USP33: variants seen among roughly 807,000 people sequenced by gnomAD.
USP33 encodes the protein ubiquitin carboxyl-terminal hydrolase 33.
Under a neutral mutation model 124.2 loss-of-function variants are expected in USP33, and 46 were observed. That is an observed-to-expected ratio of 0.37 (90% CI 0.29 to 0.47). The LOEUF is 0.47. Among genes scored for constraint, USP33 ranks in the 20% least tolerant of loss-of-function variants. The pLI, the probability that USP33 is intolerant of heterozygous loss-of-function variation, is 0.99. For missense variants in USP33, 851 were observed against 1,070.6 expected, an observed-to-expected ratio of 0.79 and a Z score of 2.86; for synonymous variants, 350 against 352.3, an observed-to-expected ratio of 0.99 and a Z score of 0.07.
At chr1:77,728,835 A>C in intron 9 of USP33, 123 bp from the exon 10 acceptor site, 2 of 1,055,488 alleles carry the variant, frequency 1.9e-6, no homozygotes, top group South Asian at 3.3e-5. Context: ...TTGAGCAAAT[A>C]CCAGTTTGGA....
chr1:77,697,265 T>C lies in USP33; in HGVS notation c.*52A>G. On this transcript the variant is annotated 3_prime_UTR_variant, in exon 24 of 24. Coordinates refer to ENST00000370794, the MANE Select transcript of USP33 (RefSeq NM_201624.3). ...TTAGGAATGTTTTCGCATGTGTACATGTCAGGGCACATGAAAATGATTCCT... is the reference window on the plus strand; with the variant it reads ...TTAGGAATGTTTTCGCATGTGTACACGTCAGGGCACATGAAAATGATTCCT... The C allele has an allele frequency of 2.7e-6, 4 of 1,502,106 alleles. No homozygotes were observed. In the South Asian group the frequency reaches 3.9e-5, roughly 15 times the overall value. 93.0% of individuals were successfully genotyped at this position (1,502,106 alleles called of 1,614,324 possible).
intron 10 of USP33, among the ~76,000 whole-genome samples, chr1:77,728,068 C>T (rs1442462391): frequency 1.3e-5 from 2 of 152,176 alleles, no homozygotes; most frequent in African/African-American, 2.4e-5. Flanking sequence ...ACACAAAAGA[C>T]ATCTGATGAA....
In USP33 at chr1:77,728,855, G is replaced by A. The variant is rs904975629; in HGVS notation, c.718-143C>T. On this transcript the variant is annotated intron_variant, in intron 9 of 23. Transcript: ENST00000370794. ...CAAATACCAGTTTGGAGAGCATAAGGCACTAGATAAATGAGATGCATTAAC... is the reference window on the plus strand; with the variant it reads ...CAAATACCAGTTTGGAGAGCATAAGACACTAGATAAATGAGATGCATTAAC... 12 of 890,722 alleles carry A rather than the reference G, an allele frequency of 1.3e-5. No homozygotes were observed. The African/African-American group carries it at 1.9e-4, about 14-fold the overall frequency. 55.2% of individuals were successfully genotyped at this position (890,722 alleles called of 1,614,324 possible). A position where few individuals can be genotyped will look rare whatever the true frequency, so the allele number is the denominator to read the frequency against.
In USP33 at chr1:77,728,698, G is replaced by A; in HGVS notation, c.732C>T (p.Phe244=). The A allele has an allele frequency of 6.2e-7, 1 of 1,612,144 alleles. No individual in the cohort carries two copies. The highest frequency in any genetic ancestry group is 1.1e-5 in the South Asian group (1 of 90,778). ...RGYSQQDAQE[F]LRCLMDLLHE... Reference sequence around the variant, plus strand: ...GAAGCAAATCCATTAAACATCGAAGGAATTCTTGAGCATCCTAATATATCA... The same window carrying A: ...GAAGCAAATCCATTAAACATCGAAGAAATTCTTGAGCATCCTAATATATCA... The change falls in exon 10 of 24, where the codon TTC becomes TTT. Residue 244 remains phenylalanine (F), a synonymous_variant. Transcript: ENST00000370794.
chr1:77,741,601 A>T lies in USP33; in HGVS notation c.81+16T>A. On this transcript the variant is annotated intron_variant, in intron 2 of 23. Coordinates refer to ENST00000370794, the MANE Select transcript of USP33 (RefSeq NM_201624.3). ...AAGTGAATAGTTTTTCAAGGAAGAAAAAACCTGTTTCTTACAAGGGATTTT... is the reference window on the plus strand; with the variant it reads ...AAGTGAATAGTTTTTCAAGGAAGAATAAACCTGTTTCTTACAAGGGATTTT... 6.3e-7 allele frequency: 1 copy of T among 1,575,964 alleles called. No individual in the cohort carries two copies. Among genetic ancestry groups the T allele is most frequent in the Non-Finnish European group, 8.6e-7 (1 of 1,166,316 alleles).
chr1:77,720,165 GAAAAAAAAAAA>G (rs745681259), intron 15 of USP33, among the ~76,000 whole-genome samples: 11 of 42,748 alleles, frequency 2.6e-4, no homozygotes, highest in East Asian at 2.4e-3. Context: ...TGTCTCAAAT[GAAAAAAAAAAA>G]AAAAAAAAAA....
rs995027871 is a variant in USP33 at position 77,737,132 on chromosome 1, T to C, written c.352-974A>G. ...AAAATTTGAAAGTTCTCTTGTAATA[T>C]CAGAAGATTGAACTACAATGAACCA... On this transcript the variant is annotated intron_variant, in intron 5 of 23. Coordinates refer to ENST00000370794, the MANE Select transcript of USP33 (RefSeq NM_201624.3). Among the ~76,000 whole-genome samples the C allele has an allele frequency of 1.1e-4, 17 of 151,714 alleles. No individual in the cohort carries two copies. In the East Asian group the frequency reaches 2.9e-3, roughly 26 times the overall value.
chr1:77,700,953 C>T (rs1242945720), intron 22 of USP33, among the ~76,000 whole-genome samples: 1 of 152,138 alleles, frequency 6.6e-6, no homozygotes, highest in African/African-American at 2.4e-5. Flanking sequence ...CCCACGTCAG[C>T]CTCCCAAACT....
chr1:77,697,585 G>A (rs1673541150), intron 23 of USP33, 111 bp from the exon 24 acceptor site: 1 of 1,303,904 alleles, frequency 7.7e-7, no homozygotes, highest in Non-Finnish European at 1.0e-6. Flanking sequence ...GAGAACTTCT[G>A]GAACATGAAT....
rs1673490960 is a variant in USP33, at chr1:77,697,060, T to A, written c.*257A>T. On this transcript the variant is annotated 3_prime_UTR_variant, in exon 24 of 24. Coordinates refer to ENST00000370794, the MANE Select transcript of USP33 (RefSeq NM_201624.3). ...TAACACCACAGCACTCCAGCCTGGG[T>A]GACAAAGCAAGACTCTGTCTCAAAA... 1 of 251,158 alleles carries A rather than the reference T, an allele frequency of 4.0e-6. No individual in the cohort carries two copies. The allele number at this position is 251,158 out of a possible 1,614,324, so 15.6% of individuals were successfully genotyped here. A position where few individuals can be genotyped will look rare whatever the true frequency, so the allele number is the denominator to read the frequency against.
At chr1:77,744,659 C>T (rs749420983) in intron 1 of USP33, among the ~76,000 whole-genome samples, 23 of 152,260 alleles carry the variant, frequency 1.5e-4, no homozygotes, top group South Asian at 4.2e-4. Flanking sequence ...GCCTGAGCAA[C>T]ATAGCGAGAC....
At position 77,712,634 on chromosome 1, in the gene USP33, C is replaced by G. The variant is rs140475682; in HGVS notation, c.2297+566G>C. Among the ~76,000 whole-genome samples the G allele has an allele frequency of 8.1e-3, 1,237 of 152,128 alleles. 5 individuals are homozygous for G. The highest frequency in any genetic ancestry group is 0.014 in the Admixed American group (208 of 15,266). On this transcript the variant is annotated intron_variant, in intron 20 of 23. Coordinates refer to ENST00000370794, the MANE Select transcript of USP33 (RefSeq NM_201624.3). ...GCCACATGGCTTGAGCCCAGGAGTT[C>G]AAGATCAGCCCAGGAGTTCAAGATC... is the stretch of plus-strand genomic sequence containing the variant.
rs1677606510 is a variant in USP33, at chr1:77,729,915, G to C, written c.662C>G (p.Thr221Ser). The change falls in exon 9 of 24, where the codon ACT (threonine) becomes AGT (serine). Residue 221 changes from threonine (T) to serine (S), a missense_variant. By Grantham distance (58) the Thr-to-Ser change is moderately conservative. Transcript: ENST00000370794. Reference sequence around the variant, plus strand: ...TACAGTTTTAATTCCTTGAAACAGAGTAGTAGGCACAACAGATCCTGGCCT... The same window carrying C: ...TACAGTTTTAATTCCTTGAAACAGACTAGTAGGCACAACAGATCCTGGCCT... Reference protein sequence around the residue: ...KSRPGSVVPTTLFQGIKTVNP... With the variant: ...KSRPGSVVPTSLFQGIKTVNP... 1 of 1,613,726 alleles carries C rather than the reference G, an allele frequency of 6.2e-7. No homozygotes were observed.
intron 18 of USP33, chr1:77,715,000 G>A: frequency 2.2e-6 from 1 of 451,278 alleles, no homozygotes; most frequent in Non-Finnish European, 3.8e-6. Flanking sequence ...ATAACTACTG[G>A]AACACAGTAA....
chr1:77,756,336 G>A (rs1680800971), intron 1 of USP33, among the ~76,000 whole-genome samples: 1 of 151,976 alleles, frequency 6.6e-6, no homozygotes, highest in Admixed American at 6.6e-5. Context: ...TCTAAATTGA[G>A]GCTTTTATTT....
intron 14 of USP33, 172 bp from the exon 15 acceptor site, chr1:77,721,377 A>C (rs1676542555): frequency 1.6e-6 from 1 of 628,804 alleles, no homozygotes; most frequent in East Asian, 2.8e-5. Context: ...CCCTCCCTTA[A>C]CTCCTGCCAA....
At position 77,699,752 on chromosome 1, in the gene USP33, T is replaced by A. The variant is rs183342400; in HGVS notation, c.2509+1617A>T. Among the ~76,000 whole-genome samples, 17 of 152,340 alleles carry A rather than the reference T, an allele frequency of 1.1e-4. No individual in the cohort carries two copies. The East Asian group carries it at 2.3e-3, about 21-fold the overall frequency. ...AAAGATACATGCACACATATGTTCATGGCAGCACTATTCACAATAGCAAAG... is the reference window on the plus strand; with the variant it reads ...AAAGATACATGCACACATATGTTCAAGGCAGCACTATTCACAATAGCAAAG... On this transcript the variant is annotated intron_variant, in intron 22 of 23. Transcript: ENST00000370794.
chr1:77,735,770 G>C (rs1375960583), intron 6 of USP33, among the ~76,000 whole-genome samples: 2 of 152,046 alleles, frequency 1.3e-5, no homozygotes, highest in African/African-American at 2.4e-5. Context: ...ACTGACAATA[G>C]AAAAATGAGA....
chr1:77,697,184 T>G lies in USP33; in HGVS notation c.*133A>C. On this transcript the variant is annotated 3_prime_UTR_variant, in exon 24 of 24. Coordinates refer to ENST00000370794, the MANE Select transcript of USP33 (RefSeq NM_201624.3). ...TAATATATTCTTCCATAATGCCCAC[T>G]AAGAAGAAATAAATGGGATAAATGA... 1.2e-6 allele frequency: 1 copy of G among 846,964 alleles called. No individual in the cohort carries two copies. Among genetic ancestry groups the G allele is most frequent in the Non-Finnish European group, 1.8e-6 (1 of 563,984 alleles). 52.5% of individuals were successfully genotyped at this position (846,964 alleles called of 1,614,324 possible).
Sources: allele counts gnomAD v4.1 joint callset (sites outside exome capture counted in the v4.1 genomes callset), GRCh38; gene constraint gnomAD v4.1.1; transcripts MANE v1.5; gene names NCBI Gene and HGNC (gene_info 2026-07-23, HGNC 2026-07-21).